The following NAALADL1 variants were observed in gnomAD, a reference collection of about 807,000 sequenced individuals.
NAALADL1 encodes N-acetylated alpha-linked acidic dipeptidase like 1.
A neutral mutation model predicts 82.8 loss-of-function variants in NAALADL1; 77 were observed. That is an observed-to-expected ratio of 0.93 (90% CI 0.77 to 1.12). NAALADL1 has a LOEUF of 1.12. NAALADL1 is among the 50% of genes most tolerant of loss of function. NAALADL1 has a pLI of 0.00. For synonymous variants in NAALADL1, 358 were observed against 399.2 expected (o/e 0.90, Z 1.23); for missense variants, 956 against 964.0 (o/e 0.99, Z 0.11).
In NAALADL1 at chr11:65,046,180, T is replaced by C; in HGVS notation, c.1855+9A>G. 6.2e-7 allele frequency: 1 copy of C among 1,614,116 alleles called. No individual in the cohort carries two copies. Among genetic ancestry groups the C allele is most frequent in the East Asian group, 2.2e-5 (1 of 44,884 alleles). ...GCTCCCCATACCTCAGGGTCAGGGC[T>C]GTGCATACCCAGGCTGATGCTGTGC... On this transcript the variant is annotated intron_variant, in intron 15 of 17. Transcript: ENST00000358658.
In NAALADL1 at chr11:65,045,220, C is replaced by T. The variant is rs1438294380; in HGVS notation, c.*51G>A. On this transcript the variant is annotated 3_prime_UTR_variant, in exon 18 of 18. Transcript: ENST00000358658. The stretch of plus-strand genomic sequence containing the variant: ...GGAAGACCAGGACATCTCAGGAAAG[C>T]AGGCAGGAGAGGGTTGGAGTAAAGG... The T allele has an allele frequency of 6.4e-7, 1 of 1,573,640 alleles. No individual in the cohort carries two copies. Among genetic ancestry groups the T allele is most frequent in the Admixed American group, 1.8e-5 (1 of 55,372 alleles).
At chr11:65,057,536 A>T (rs201651157) in intron 3 of NAALADL1, 43 bp from the exon 4 acceptor site, 4 of 1,584,402 alleles carry the variant, frequency 2.5e-6, no homozygotes, top group Non-Finnish European at 3.4e-6. Flanking sequence ...GGCCCAGCGA[A>T]GTGTGGGTGG....
intron 8 of NAALADL1, among the ~76,000 whole-genome samples, chr11:65,049,787 C>T (rs542984102): frequency 5.9e-5 from 9 of 152,096 alleles, no homozygotes; most frequent in Non-Finnish European, 1.2e-4. Context: ...GCAGGAGGAT[C>T]GCTTGAGCCC....
intron 11 of NAALADL1, 83 bp downstream of exon 11, chr11:65,047,898 G>GGC: frequency 1.7e-6 from 1 of 586,628 alleles, no homozygotes; most frequent in Non-Finnish European, 2.9e-6. Context: ...CCACTCCCCA[G>GGC]CCCCGCCCAC....
intron 14 of NAALADL1, 26 bp downstream of exon 14, chr11:65,046,419 A>G (rs1348678351): frequency 1.2e-6 from 2 of 1,614,204 alleles, no homozygotes; most frequent in Admixed American, 1.7e-5. Flanking sequence ...TCCTGGTCTC[A>G]GGATGCCCCT....
intron 12 of NAALADL1, 23 bp from the exon 13 acceptor site, chr11:65,047,588 G>A (rs1946765504): frequency 1.9e-6 from 3 of 1,574,868 alleles, no homozygotes; most frequent in East Asian, 4.7e-5. Context: ...AGGGGGCCGG[G>A]ATAAAGAGCG....
At position 65,046,321 on chromosome 11, in the gene NAALADL1, C is replaced by T; in HGVS notation, c.1723G>A (p.Val575Met). ...AAGCTGTCACTGAGCCGGAGAATCACACTCCCCGCTGTCCGGGCCACAGCC... is the reference window on the plus strand; with the variant it reads ...AAGCTGTCACTGAGCCGGAGAATCATACTCCCCGCTGTCCGGGCCACAGCC... Reference protein sequence around the residue: ...HQAVARTAGSVILRLSDSFFL... With the variant: ...HQAVARTAGSMILRLSDSFFL... Residue 575 changes from valine to methionine, a missense_variant, in exon 15 of 18, where the codon GTG (valine) becomes ATG (methionine). Transcript: ENST00000358658. 1 of 1,614,224 alleles carries T rather than the reference C, an allele frequency of 6.2e-7. No homozygotes were observed. Among genetic ancestry groups the T allele is most frequent in the South Asian group, 1.1e-5 (1 of 91,086 alleles).
intron 8 of NAALADL1, among the ~76,000 whole-genome samples, chr11:65,049,289 G>A (rs1946824007): frequency 6.6e-6 from 1 of 152,102 alleles, no homozygotes; most frequent in African/African-American, 2.4e-5. Flanking sequence ...CCAAAGTGCT[G>A]GGATTACAGG....
chr11:65,057,601 C>A (rs547620890), intron 3 of NAALADL1, 108 bp from the exon 4 acceptor site: 9 of 1,423,682 alleles, frequency 6.3e-6, no homozygotes, highest in Non-Finnish European at 7.5e-6. Flanking sequence ...TCTGTTCCCC[C>A]ACCTCACCCA....
rs149583840 is a variant in NAALADL1 at position 65,046,513 on chromosome 11, G to A, written c.1613C>T (p.Ala538Val). 6.1e-5 allele frequency: 98 copies of A among 1,614,084 alleles called. No individual in the cohort carries two copies. Among genetic ancestry groups the A allele is most frequent in the Non-Finnish European group, 7.9e-5 (93 of 1,180,050 alleles). Residue 538 changes from alanine to valine, a missense_variant, in exon 14 of 18, where the codon GCC (alanine) becomes GTC (valine). By Grantham distance (64) the Ala-to-Val change is moderately conservative. Coordinates refer to ENST00000358658, the MANE Select transcript of NAALADL1 (RefSeq NM_005468.3). ...TGTGTGGTAGGTGGGGTAGATCCTG[G>A]CTGAAGTCTTGCTCTGGGGGAACAA... ...AYTYDRSKTS[A>V]RIYPTYHTAF...
rs1419723564 is a variant in NAALADL1 at position 65,047,654 on chromosome 11, C to A, written c.1501G>T (p.Val501Phe). The A allele has an allele frequency of 6.2e-7, 1 of 1,604,540 alleles. No individual in the cohort carries two copies. Among genetic ancestry groups the A allele is most frequent in the Admixed American group, 1.7e-5 (1 of 58,302 alleles). The change falls in exon 12 of 18, where the codon GTC becomes TTC. Residue 501 changes from valine to phenylalanine, a missense_variant. Coordinates refer to ENST00000358658, the MANE Select transcript of NAALADL1 (RefSeq NM_005468.3). ...TTCTGTCCCTGGGCTTACCTGGGGA[C>A]CAGGCCGTACACCGGGCTGCTGCGG... Reference protein sequence around the residue: ...FNRSSPVYGLVPSLGSLGAGS... With the variant: ...FNRSSPVYGLFPSLGSLGAGS...
At chr11:65,058,044 C>G in intron 2 of NAALADL1, 34 bp downstream of exon 2, 2 of 1,612,832 alleles carry the variant, frequency 1.2e-6, no homozygotes, top group Non-Finnish European at 1.7e-6. Flanking sequence ...AGCTCCCCAC[C>G]CCCGGGCATT....
At position 65,047,559 on chromosome 11, in the gene NAALADL1, A is replaced by T. The variant is rs1489741598; in HGVS notation, c.1515T>A (p.Gly505=). The change falls in exon 13 of 18, where the codon GGT becomes GGA. Residue 505 remains glycine (G), a synonymous_variant. Transcript: ENST00000358658. ...CATAGTCGCTGCCAGCACCCAGAGA[A>T]CCCAAGCTGCGGGAAGGAAGGGGGC... ...SPVYGLVPSL[G]SLGAGSDYAP... is the part of the protein sequence containing the mutation. 2 of 1,572,364 alleles carry T rather than the reference A, an allele frequency of 1.3e-6. No homozygotes were observed. The highest frequency in any genetic ancestry group is 8.6e-7 in the Non-Finnish European group (1 of 1,159,048).
At chr11:65,045,611 G>T in intron 17 of NAALADL1, 154 bp from the exon 18 acceptor site, 1 of 942,564 alleles carries the variant, frequency 1.1e-6, no homozygotes, top group Non-Finnish European at 1.6e-6. Context: ...TTACAGCAGT[G>T]GCGGTCGGGG....
In NAALADL1 at chr11:65,048,402, G is replaced by C. The variant is rs1290211373; in HGVS notation, c.1199-17C>G. On this transcript the variant is annotated splice_polypyrimidine_tract_variant and intron_variant, in intron 8 of 17. Transcript: ENST00000358658. The stretch of plus-strand genomic sequence containing the variant: ...GCCAGGTGCCTGGGAATGGGGGATA[G>C]AGGGTTGGAGGACAGGGTCCTCCTG... The C allele has an allele frequency of 6.2e-7, 1 of 1,613,856 alleles. No individual in the cohort carries two copies. The highest frequency in any genetic ancestry group is 2.2e-5 in the East Asian group (1 of 44,896).
Position 65,058,393 on chromosome 11 carries a change from C to A in NAALADL1, c.129G>T (p.Glu43Asp). ...NSLAPQDLDL[E>D]ILETVMGQLD... ...GCTGCCCCATGACGGTCTCCAGGAT[C>A]TCCAGGTCCAGGTCCTGGGGGGCCA... is the stretch of plus-strand genomic sequence containing the variant. The change falls in exon 1 of 18, where the codon GAG becomes GAT. Residue 43 changes from glutamate to aspartate, a missense_variant. Coordinates refer to ENST00000358658, the MANE Select transcript of NAALADL1 (RefSeq NM_005468.3). 6.2e-7 allele frequency: 1 copy of A among 1,614,182 alleles called. No homozygotes were observed. Among genetic ancestry groups the A allele is most frequent in the Non-Finnish European group, 8.5e-7 (1 of 1,180,012 alleles).
intron 8 of NAALADL1, 160 bp from the exon 9 acceptor site, chr11:65,048,545 C>T (rs936540402): frequency 2.6e-5 from 19 of 738,474 alleles, no homozygotes; most frequent in Middle Eastern, 7.5e-4. Flanking sequence ...AGGAGGCTCC[C>T]GCACCAAACA....
chr11:65,049,621 A>G (rs765386250), intron 8 of NAALADL1, among the ~76,000 whole-genome samples: 6 of 152,132 alleles, frequency 3.9e-5, no homozygotes, highest in Non-Finnish European at 8.8e-5. Flanking sequence ...CTGTAATCCC[A>G]ACACTTTGGG....
At chr11:65,048,514 C>T in intron 8 of NAALADL1, 129 bp from the exon 9 acceptor site, 1 of 1,000,082 alleles carries the variant, frequency 1.0e-6, no homozygotes, top group Admixed American at 2.1e-5. Context: ...GATGTCCTGG[C>T]ACCCTGCAGC....
Sources: gnomAD v4.1 joint callset for allele counts (sites outside exome capture counted in the v4.1 genomes callset) on GRCh38, gnomAD v4.1.1 for gene constraint, MANE v1.5 for transcripts, NCBI Gene and HGNC (gene_info 2026-07-23, HGNC 2026-07-21) for gene names.